The following CYP39A1 variants were observed in gnomAD, a reference collection of about 807,000 sequenced individuals.
CYP39A1 encodes cytochrome P450 family 39 subfamily A member 1.
A neutral mutation model predicts 58.1 loss-of-function variants in CYP39A1; 49 were observed. That is an observed-to-expected ratio of 0.84 (90% CI 0.67 to 1.07). CYP39A1 has a LOEUF of 1.07. Among genes scored for constraint, CYP39A1 ranks in the 50% least tolerant of loss-of-function variants. The pLI, the probability that CYP39A1 is intolerant of heterozygous loss-of-function variation, is 0.00. For missense variants in CYP39A1, 531 were observed against 539.4 expected (o/e 0.98, Z 0.16); for synonymous variants, 209 against 187.6 (o/e 1.11, Z -0.93).
chr6:46,556,631 C>G (rs1250902417), intron 10 of CYP39A1, among the ~76,000 whole-genome samples: 1 of 152,126 alleles, frequency 6.6e-6, no homozygotes, highest in Non-Finnish European at 1.5e-5. Context: ...TTAGCTAGAG[C>G]TCTTAAATGG....
chr6:46,565,227 GA>G (rs112211578), intron 10 of CYP39A1, among the ~76,000 whole-genome samples: 119 of 150,566 alleles, frequency 7.9e-4, no homozygotes, highest in African/African-American at 2.5e-3. Flanking sequence ...GGAAAATGAT[GA>G]AAAAAAAATA....
rs1206457002 is a variant in CYP39A1 at position 46,596,064 on chromosome 6, A to G, written c.988T>C (p.Trp330Arg). The G allele has an allele frequency of 6.2e-7, 1 of 1,611,542 alleles. No homozygotes were observed. Among genetic ancestry groups the G allele is most frequent in the Admixed American group, 1.7e-5 (1 of 59,830 alleles). ...AAACGAATGGTTTCCAAAACACACC[A>G]TTTAATTAGAAGGAGATTCTCCAGG... is the stretch of plus-strand genomic sequence containing the variant. ...DDLENLLLIK[W>R]CVLETIRLKA... Residue 330 changes from tryptophan to arginine, a missense_variant, in exon 8 of 12, where the codon TGG (tryptophan) becomes CGG (arginine). By Grantham distance (101) the Trp-to-Arg change is moderately radical (BLOSUM62 -3). Coordinates refer to ENST00000275016, the MANE Select transcript of CYP39A1 (RefSeq NM_016593.5).
chr6:46,578,718 T>C (rs1771970785), intron 10 of CYP39A1, among the ~76,000 whole-genome samples: 1 of 151,998 alleles, frequency 6.6e-6, no homozygotes, highest in Non-Finnish European at 1.5e-5. Flanking sequence ...CCTGGAAACA[T>C]GCAGCTTTCG....
intron 7 of CYP39A1, among the ~76,000 whole-genome samples, chr6:46,612,607 A>G (rs1774281808): frequency 6.6e-6 from 1 of 152,200 alleles, no homozygotes; most frequent in Admixed American, 6.5e-5. Flanking sequence ...AAATGAGGCT[A>G]TGTGAGAAAT....
chr6:46,609,354 G>A (rs1774061041), intron 7 of CYP39A1, among the ~76,000 whole-genome samples: 1 of 150,118 alleles, frequency 6.7e-6, no homozygotes, highest in South Asian at 2.1e-4. Context: ...AGTGAGCTGA[G>A]TCCGCGCCAC....
intron 10 of CYP39A1, among the ~76,000 whole-genome samples, chr6:46,554,325 T>G (rs961434484): frequency 2.0e-5 from 3 of 152,214 alleles, no homozygotes; most frequent in Non-Finnish European, 4.4e-5. Flanking sequence ...GATATTTCCA[T>G]GATCACAGAA....
intron 10 of CYP39A1, among the ~76,000 whole-genome samples, chr6:46,560,194 T>C (rs563092605): frequency 1.3e-5 from 2 of 152,256 alleles, no homozygotes; most frequent in East Asian, 3.9e-4. Flanking sequence ...GGGAAGCTAC[T>C]GGACAGTTTT....
At chr6:46,623,699 G>A (rs1293079672) in intron 7 of CYP39A1, among the ~76,000 whole-genome samples, 1 of 151,598 alleles carries the variant, frequency 6.6e-6, no homozygotes, top group Non-Finnish European at 1.5e-5. Context: ...CTGACTAATC[G>A]AATGTACTTA....
intron 10 of CYP39A1, among the ~76,000 whole-genome samples, chr6:46,584,979 TC>T (rs1267753236): frequency 1.3e-5 from 2 of 152,148 alleles, no homozygotes; most frequent in African/African-American, 4.8e-5. Context: ...TTACTCATGC[TC>T]AAAGCCCCTA....
chr6:46,573,433 G>C (rs2150496183), intron 10 of CYP39A1, among the ~76,000 whole-genome samples: 1 of 152,282 alleles, frequency 6.6e-6, no homozygotes, highest in South Asian at 2.1e-4. Context: ...GGTTGTAGAT[G>C]TATTTGAAGG....
intron 6 of CYP39A1, among the ~76,000 whole-genome samples, chr6:46,627,822 A>T (rs1000987283): frequency 2.0e-5 from 3 of 152,230 alleles, no homozygotes; most frequent in Non-Finnish European, 4.4e-5. Context: ...AGTTAATAAA[A>T]GTTTATATGT....
intron 3 of CYP39A1, 25 bp from the exon 4 acceptor site, chr6:46,638,003 A>G (rs1776098988): frequency 4.4e-6 from 7 of 1,580,006 alleles, no homozygotes; most frequent in African/African-American, 1.4e-5. Flanking sequence ...ACACACAAAA[A>G]GTCAGACCCG....
intron 1 of CYP39A1, among the ~76,000 whole-genome samples, chr6:46,643,004 T>C (rs1056614489): frequency 6.6e-6 from 1 of 152,170 alleles, no homozygotes; most frequent in Non-Finnish European, 1.5e-5. Context: ...ATTTGTGTTA[T>C]GGATCCTACA....
At chr6:46,643,946 G>A (rs145919456) in intron 1 of CYP39A1, among the ~76,000 whole-genome samples, 22 of 152,204 alleles carry the variant, frequency 1.4e-4, no homozygotes, top group African/African-American at 2.6e-4. Flanking sequence ...ATTATCATGC[G>A]GTTGTAAGAA....
chr6:46,594,043 C>G (rs1772998196), intron 8 of CYP39A1, among the ~76,000 whole-genome samples: 2 of 152,038 alleles, frequency 1.3e-5, no homozygotes, highest in Admixed American at 1.3e-4. Flanking sequence ...CTCATTGGTG[C>G]TAAGAAATTC....
chr6:46,570,114 T>C (rs1394482573), intron 10 of CYP39A1, among the ~76,000 whole-genome samples: 1 of 152,088 alleles, frequency 6.6e-6, no homozygotes, highest in East Asian at 1.9e-4. Flanking sequence ...ATTAATCTAG[T>C]TTTTCTAGGT....
chr6:46,616,163 T>TCTTTCTTTC (rs376056800), intron 7 of CYP39A1, among the ~76,000 whole-genome samples: 80 of 6,218 alleles, frequency 0.013, 28 homozygotes, highest in Non-Finnish European at 0.014. Flanking sequence ...TTTCTTTCTT[T>TCTTTCTTTC]TTTCTTTCTT....
intron 7 of CYP39A1, among the ~76,000 whole-genome samples, chr6:46,618,442 G>A (rs1418617447): frequency 6.6e-6 from 1 of 151,904 alleles, no homozygotes; most frequent in Non-Finnish European, 1.5e-5. Flanking sequence ...CTAATTTCTA[G>A]GAATTATACC....
chr6:46,574,048 A>G (rs562346172), intron 10 of CYP39A1, among the ~76,000 whole-genome samples: 7 of 152,212 alleles, frequency 4.6e-5, no homozygotes, highest in African/African-American at 1.4e-4. Flanking sequence ...TATATGAAAA[A>G]CCTGTGGCTC....
Sources: allele counts gnomAD v4.1 joint callset (sites outside exome capture counted in the v4.1 genomes callset), GRCh38; gene constraint gnomAD v4.1.1; transcripts MANE v1.5; gene names NCBI Gene and HGNC (gene_info 2026-07-23, HGNC 2026-07-21).